The following LPP variants were observed in gnomAD, a reference collection of about 807,000 sequenced individuals.
LPP encodes LIM domain containing preferred translocation partner in lipoma, also known as lipoma-preferred partner.
LPP carries 38 observed loss-of-function variants against 60.4 expected under a neutral mutation model. The observed-to-expected ratio is 0.63, with a 90% CI of 0.49 to 0.83. LPP has a LOEUF of 0.83. LPP is among the 40% of genes least tolerant of loss of function. The pLI, the probability that LPP is intolerant of heterozygous loss-of-function variation, is 0.00. For missense variants in LPP, 902 were observed against 783.6 expected, an observed-to-expected ratio of 1.15 and a Z score of -1.80; for synonymous variants, 328 against 290.8, an observed-to-expected ratio of 1.13 and a Z score of -1.30.
At chr3:188,748,591 G>A (rs554285479) in intron 8 of LPP, among the ~76,000 whole-genome samples, 1 of 152,194 alleles carries the variant, frequency 6.6e-6, no homozygotes, top group South Asian at 2.1e-4. Flanking sequence ...AGATCAGCCT[G>A]GCTAACATAG....
chr3:188,813,958 G>A (rs1300950097), intron 9 of LPP, among the ~76,000 whole-genome samples: 1 of 152,110 alleles, frequency 6.6e-6, no homozygotes, highest in East Asian at 1.9e-4. Context: ...TGTAATCCCA[G>A]CTATTCAGGA....
At chr3:188,862,712 CA>C (rs140751676) in intron 9 of LPP, among the ~76,000 whole-genome samples, 10 of 55,662 alleles carry the variant, frequency 1.8e-4, no homozygotes, top group African/African-American at 6.8e-4. Context: ...CCCTACTAGA[CA>C]AAAAAATAAA....
chr3:188,384,645 T>C (rs9848016), intron 3 of LPP, among the ~76,000 whole-genome samples: 76,583 of 151,240 alleles, frequency 0.51, 19,581 homozygotes, highest in East Asian at 0.7. Flanking sequence ...CAAAAATCAG[T>C]CAGGCATGGT....
chr3:188,391,503 A>T (rs954010745), intron 3 of LPP, among the ~76,000 whole-genome samples: 1 of 152,196 alleles, frequency 6.6e-6, no homozygotes, highest in Non-Finnish European at 1.5e-5. Flanking sequence ...GTCAGGATTC[A>T]CTATAGGAAA....
At chr3:188,775,208 ACGCC>A (rs2150757431) in intron 9 of LPP, among the ~76,000 whole-genome samples, 1 of 152,090 alleles carries the variant, frequency 6.6e-6, no homozygotes, top group East Asian at 1.9e-4. Context: ...ATGTGCCACC[ACGCC>A]CAGCTAATTT....
At chr3:188,650,420 A>G (rs1851858797) in intron 7 of LPP, among the ~76,000 whole-genome samples, 1 of 152,128 alleles carries the variant, frequency 6.6e-6, no homozygotes, top group Admixed American at 6.5e-5. Flanking sequence ...TAAAGCGGGG[A>G]CATAACATCT....
chr3:188,693,687 G>T (rs2149495817), intron 7 of LPP, among the ~76,000 whole-genome samples: 1 of 152,320 alleles, frequency 6.6e-6, no homozygotes, highest in Admixed American at 6.5e-5. Context: ...GTTCATGCCA[G>T]CTGTTGTCAG....
At chr3:188,668,808 G>C (rs1452919438) in intron 7 of LPP, among the ~76,000 whole-genome samples, 1 of 152,142 alleles carries the variant, frequency 6.6e-6, no homozygotes, top group Non-Finnish European at 1.5e-5. Flanking sequence ...GATCTTCCTT[G>C]CTGCTTATTG....
rs138394104 is a variant in LPP, at chr3:188,802,398, A to G, written c.1410+42116A>G. 5.3e-4 allele frequency among the ~76,000 whole-genome samples: 81 copies of G among 152,360 alleles called. 1 individual carries two copies. The highest frequency in any genetic ancestry group is 8.8e-4 in the Non-Finnish European group (60 of 68,032). Reference sequence around the variant, plus strand: ...CTCAAAGCAAGGAATTAGGATGGTCAGGTTGAACTTTCTTTATATATAAAG... The same window carrying G: ...CTCAAAGCAAGGAATTAGGATGGTCGGGTTGAACTTTCTTTATATATAAAG... On this transcript the variant is annotated intron_variant, in intron 9 of 11. Coordinates refer to ENST00000617246, the MANE Select transcript of LPP (RefSeq NM_001375462.1).
At chr3:188,516,207 A>G (rs1233887049) in intron 5 of LPP, among the ~76,000 whole-genome samples, 1 of 152,208 alleles carries the variant, frequency 6.6e-6, no homozygotes, top group African/African-American at 2.4e-5. Flanking sequence ...CTTCAACTGA[A>G]TGACTGGGAA....
intron 4 of LPP, among the ~76,000 whole-genome samples, chr3:188,478,087 G>A (rs931071312): frequency 1.3e-5 from 2 of 152,102 alleles, no homozygotes; most frequent in Admixed American, 1.3e-4. Context: ...ATAATTCATT[G>A]CCTTATGGAG....
intron 7 of LPP, among the ~76,000 whole-genome samples, chr3:188,701,493 G>A (rs557533129): frequency 9.8e-5 from 15 of 152,296 alleles, no homozygotes; most frequent in Non-Finnish European, 2.2e-4. Context: ...TTGTATTGCC[G>A]TAAGGCAGGT....
At chr3:188,528,804 T>C (rs766307647) in intron 6 of LPP, among the ~76,000 whole-genome samples, 4 of 152,152 alleles carry the variant, frequency 2.6e-5, no homozygotes, top group East Asian at 1.9e-4. Flanking sequence ...AAACACCAGA[T>C]TGAGGGTGTC....
chr3:188,475,716 A>G (rs769568437), intron 4 of LPP, among the ~76,000 whole-genome samples: 5 of 151,956 alleles, frequency 3.3e-5, no homozygotes, highest in Non-Finnish European at 7.4e-5. Context: ...TCCTGGCTAA[A>G]ACAGTGAAAC....
At chr3:188,461,837 G>T (rs1163710663) in intron 4 of LPP, among the ~76,000 whole-genome samples, 1 of 152,042 alleles carries the variant, frequency 6.6e-6, no homozygotes, top group African/African-American at 2.4e-5. Flanking sequence ...GCTGTTTTCA[G>T]TTTTTATCTG....
At chr3:188,503,682 A>T (rs1812609698) in intron 5 of LPP, among the ~76,000 whole-genome samples, 4 of 142,688 alleles carry the variant, frequency 2.8e-5, no homozygotes, top group East Asian at 2.0e-4. Flanking sequence ...TTTCTTTCTC[A>T]CTTTTAAAAT....
At chr3:188,468,881 G>T (rs1801096624) in intron 4 of LPP, among the ~76,000 whole-genome samples, 1 of 152,116 alleles carries the variant, frequency 6.6e-6, no homozygotes, top group Non-Finnish European at 1.5e-5. Context: ...AGCAGGAGGA[G>T]GGAACAAGTT....
At chr3:188,578,151 A>T (rs548257034) in intron 6 of LPP, among the ~76,000 whole-genome samples, 1 of 152,156 alleles carries the variant, frequency 6.6e-6, no homozygotes, top group South Asian at 2.1e-4. Flanking sequence ...CCCTGAAGAG[A>T]GAGAGCATTT....
intron 3 of LPP, among the ~76,000 whole-genome samples, chr3:188,351,843 C>T (rs1032772866): frequency 1.3e-5 from 2 of 152,058 alleles, no homozygotes; most frequent in African/African-American, 2.4e-5. Context: ...TCAAAATTGG[C>T]GTTGGGGGAC....
Sources: gnomAD v4.1 joint callset for allele counts (sites outside exome capture counted in the v4.1 genomes callset) on GRCh38, gnomAD v4.1.1 for gene constraint, MANE v1.5 for transcripts, NCBI Gene and HGNC (gene_info 2026-07-23, HGNC 2026-07-21) for gene names.